YDJC: variants seen among roughly 807,000 people sequenced by gnomAD.
YDJC encodes the protein YdjC chitooligosaccharide deacetylase homolog, also known as carbohydrate deacetylase.
A neutral mutation model predicts 18.9 loss-of-function variants in YDJC; 23 were observed. The observed-to-expected ratio is 1.22, with a 90% CI of 0.87 to 1.72. The LOEUF (loss-of-function observed/expected upper bound fraction) is 1.72. Ranked by LOEUF, YDJC falls within the 40% of genes most tolerant of loss-of-function variation. YDJC has a pLI of 0.00. For synonymous variants in YDJC, 224 were observed against 217.6 expected (o/e 1.03, Z -0.26); for missense variants, 467 against 470.8 (o/e 0.99, Z 0.07).
chr22:21,629,912 TCACA>T lies in YDJC; in HGVS notation c.99_102del (p.Val34ProfsTer83), dbSNP rs765293984. The T allele has an allele frequency of 2.4e-5, 38 of 1,599,818 alleles. No homozygotes were observed. In the Admixed American group the frequency reaches 4.9e-4, roughly 21 times the overall value. On this transcript the variant is annotated frameshift_variant, in exon 1 of 5. Transcript: ENST00000292778. LOFTEE classifies it high-confidence loss of function. ...CCGTTGACCAGCAGGGACACGCTGG[TCACA>T]GCCCCGGCCAGAAAGGCCTCCACGA... is the stretch of plus-strand genomic sequence containing the variant.
intron 2 of YDJC, 79 bp from the exon 3 acceptor site, chr22:21,629,486 C>T (rs1346281981): frequency 7.7e-6 from 12 of 1,554,686 alleles, no homozygotes; most frequent in Non-Finnish European, 7.8e-6. Flanking sequence ...CGTGTGATGG[C>T]TCCAGTGTTT....
Sources: allele counts gnomAD v4.1 joint callset, GRCh38; gene constraint gnomAD v4.1.1; transcripts MANE v1.5; gene names NCBI Gene and HGNC (gene_info 2026-07-23, HGNC 2026-07-21).